SCP2: variants seen among roughly 807,000 people sequenced by gnomAD.
The protein encoded by SCP2 is sterol carrier protein 2.
A neutral mutation model predicts 71.4 loss-of-function variants in SCP2; 48 were observed. That is an observed-to-expected ratio of 0.67 (90% CI 0.53 to 0.86). The LOEUF (loss-of-function observed/expected upper bound fraction) is 0.86. Ranked by LOEUF, SCP2 falls within the 40% of genes least tolerant of loss-of-function variation. The pLI is 0.00. For missense variants in SCP2, 560 were observed against 655.6 expected, an observed-to-expected ratio of 0.85 and a Z score of 1.59; for synonymous variants, 220 against 218.1, an observed-to-expected ratio of 1.01 and a Z score of -0.08.
At chr1:52,971,873 G>A (rs1657530380) in intron 6 of SCP2, among the ~76,000 whole-genome samples, 1 of 152,206 alleles carries the variant, frequency 6.6e-6, no homozygotes. Flanking sequence ...GGAAGTTAAA[G>A]TAATATTTCT....
chr1:52,966,746 T>C (rs1656997417), intron 6 of SCP2, among the ~76,000 whole-genome samples: 1 of 150,162 alleles, frequency 6.7e-6, no homozygotes, highest in Non-Finnish European at 1.5e-5. Context: ...AAAAAAAAAT[T>C]AGCCGGCATG....
intron 12 of SCP2, among the ~76,000 whole-genome samples, chr1:53,017,797 A>T (rs952851901): frequency 5.3e-5 from 8 of 152,228 alleles, no homozygotes; most frequent in Non-Finnish European, 7.3e-5. Flanking sequence ...AGAAAAATGG[A>T]TAGAGAAAAA....
At chr1:53,037,439 C>A (rs570011410) in intron 13 of SCP2, among the ~76,000 whole-genome samples, 39 of 152,074 alleles carry the variant, frequency 2.6e-4, no homozygotes, top group Admixed American at 5.9e-4. Context: ...ACTTTTCTGA[C>A]TCCTATCTCT....
intron 11 of SCP2, chr1:52,993,476 A>T: frequency 6.2e-7 from 1 of 1,613,748 alleles, no homozygotes; most frequent in Non-Finnish European, 8.5e-7. Context: ...CTTTACTCTG[A>T]GAATCTGTCT....
intron 13 of SCP2, among the ~76,000 whole-genome samples, chr1:53,028,722 C>A (rs1448152099): frequency 6.7e-6 from 1 of 150,228 alleles, no homozygotes; most frequent in African/African-American, 2.5e-5. Context: ...AGACATCTTT[C>A]TCTGTGTATA....
Position 52,927,283 on chromosome 1 carries a change from T to C in SCP2, c.-114T>C, listed in dbSNP as rs1572026053. On this transcript the variant is annotated 5_prime_UTR_variant, in exon 1 of 16. Transcript: ENST00000371514. ...CTACGCACGCGCACTCTCACGCGCC[T>C]GTGTTGCCGCCCGCGGCCCTGGCTT... 7.5e-6 allele frequency: 5 copies of C among 663,340 alleles called. No homozygotes were observed. The highest frequency in any genetic ancestry group is 9.0e-5 in the East Asian group (2 of 22,172). 41.1% of individuals were successfully genotyped at this position (663,340 alleles called of 1,614,324 possible). A position where few individuals can be genotyped will look rare whatever the true frequency, so the allele number is the denominator to read the frequency against.
chr1:52,960,616 A>ATATATGTATGTATATATGTG (rs1263267699), intron 5 of SCP2, among the ~76,000 whole-genome samples: 3 of 147,334 alleles, frequency 2.0e-5, no homozygotes. Flanking sequence ...GTATATATGT[A>ATATATGTATGTATATATGTG]TATATGTATG....
intron 2 of SCP2, among the ~76,000 whole-genome samples, chr1:52,943,006 G>A (rs905884234): frequency 2.6e-5 from 4 of 151,838 alleles, no homozygotes; most frequent in Admixed American, 6.6e-5. Context: ...CCAGCCTAAC[G>A]GGCTTCTTTT....
chr1:53,013,375 G>C (rs138611968), intron 11 of SCP2, among the ~76,000 whole-genome samples: 2 of 146,786 alleles, frequency 1.4e-5, no homozygotes, highest in African/African-American at 5.0e-5. Context: ...CACGAGGTCA[G>C]GAGTTCAAGA....
chr1:52,932,300 C>A (rs1176722165), intron 1 of SCP2, among the ~76,000 whole-genome samples: 2 of 152,152 alleles, frequency 1.3e-5, no homozygotes, highest in African/African-American at 4.8e-5. Flanking sequence ...TCAACAGAAA[C>A]CTTGGATGCT....
chr1:52,993,318 C>T, intron 11 of SCP2: 1 of 1,614,190 alleles, frequency 6.2e-7, no homozygotes, highest in Non-Finnish European at 8.5e-7. Context: ...AAAGCTTGAT[C>T]TACATTCATC....
intron 14 of SCP2, among the ~76,000 whole-genome samples, chr1:53,042,289 G>A (rs1389499293): frequency 2.0e-5 from 3 of 151,270 alleles, no homozygotes; most frequent in Admixed American, 1.3e-4. Flanking sequence ...AATGACTGAA[G>A]GTTAATGGTT....
chr1:52,995,385 C>T, intron 11 of SCP2: 2 of 463,174 alleles, frequency 4.3e-6, no homozygotes, highest in Non-Finnish European at 4.3e-6. Context: ...ACTATGGGGA[C>T]TTGAACCACC....
intron 5 of SCP2, among the ~76,000 whole-genome samples, chr1:52,960,530 A>ATATATATGTATGTATATACATGTG (rs1553145925): frequency 1.5e-5 from 2 of 134,592 alleles, no homozygotes; most frequent in East Asian, 2.4e-4. Context: ...ATATGTGTGT[A>ATATATATGTATGTATATACATGTG]TATATATGTA....
chr1:52,973,932 C>T (rs1454090892), intron 6 of SCP2, among the ~76,000 whole-genome samples: 2 of 152,224 alleles, frequency 1.3e-5, no homozygotes, highest in African/African-American at 2.4e-5. Context: ...TAGAAGATCA[C>T]AAGTGTGGAA....
chr1:52,993,501 T>C lies in SCP2; in HGVS notation c.1081+5365T>C, dbSNP rs1659687853. 6.8e-6 allele frequency: 11 copies of C among 1,612,954 alleles called. No individual in the cohort carries two copies. In the Admixed American group the frequency reaches 1.8e-4, roughly 27 times the overall value. ...AGAATCTGTCTTTGAAACTTATAGATTTCTTCAAAACTGCCTCTATCTGTG... is the reference window on the plus strand; with the variant it reads ...AGAATCTGTCTTTGAAACTTATAGACTTCTTCAAAACTGCCTCTATCTGTG... On this transcript the variant is annotated intron_variant, in intron 11 of 15. Transcript: ENST00000371514.
intron 11 of SCP2, among the ~76,000 whole-genome samples, chr1:52,996,710 A>G (rs931814582): frequency 6.6e-6 from 1 of 152,000 alleles, no homozygotes; most frequent in Admixed American, 6.6e-5. Context: ...TCAAGGGGGG[A>G]AAGAGATCAG....
intron 8 of SCP2, among the ~76,000 whole-genome samples, chr1:52,977,392 G>T (rs982603378): frequency 6.6e-6 from 1 of 152,188 alleles, no homozygotes; most frequent in African/African-American, 2.4e-5. Flanking sequence ...AAGACTTCTT[G>T]TGTTTGCTAC....
intron 12 of SCP2, among the ~76,000 whole-genome samples, chr1:53,018,041 G>C (rs1262175459): frequency 6.6e-6 from 1 of 152,098 alleles, no homozygotes; most frequent in Non-Finnish European, 1.5e-5. Flanking sequence ...TTGTAGTAAA[G>C]ACAGGGTTTC....
Sources: allele counts gnomAD v4.1 joint callset (sites outside exome capture counted in the v4.1 genomes callset), GRCh38; gene constraint gnomAD v4.1.1; transcripts MANE v1.5; gene names NCBI Gene and HGNC (gene_info 2026-07-23, HGNC 2026-07-21).